DNAH9: variants seen among roughly 807,000 people sequenced by gnomAD.
DNAH9 encodes the protein DNAH9 variant protein.
A neutral mutation model predicts 471.6 loss-of-function variants in DNAH9; 345 were observed. The observed-to-expected ratio is 0.73, with a 90% CI of 0.67 to 0.80. DNAH9 has a LOEUF of 0.80. Ranked by LOEUF, DNAH9 falls within the 30% of genes least tolerant of loss-of-function variation. The probability of loss-of-function intolerance (pLI) is 0.00; values close to 1 mark genes in which losing one functional copy is unlikely to be tolerated. For missense variants in DNAH9, 5,407 were observed against 5,609.2 expected (o/e 0.96, Z 1.15); for synonymous variants, 2,093 against 2,123.6 (o/e 0.99, Z 0.40).
chr17:11,822,814 A>C lies in DNAH9; in HGVS notation c.9026A>C (p.Gln3009Pro), dbSNP rs1334902402. ...NTEGIEPTVKQSISKFMAFVH... is the reference protein window; with the variant it reads ...NTEGIEPTVKPSISKFMAFVH... ...CTTTGGTTTTAGCCCACAGTAAAGCAGTCGATTAGCAAATTCATGGCCTTT... is the reference window on the plus strand; with the variant it reads ...CTTTGGTTTTAGCCCACAGTAAAGCCGTCGATTAGCAAATTCATGGCCTTT... Residue 3009 changes from glutamine (Q) to proline (P), a missense_variant, in exon 48 of 69, where the codon CAG becomes CCG. Transcript: ENST00000262442. 3.1e-6 allele frequency: 5 copies of C among 1,614,248 alleles called. No individual in the cohort carries two copies. The highest frequency in any genetic ancestry group is 1.3e-5 in the African/African-American group (1 of 75,060).
chr17:11,673,518 C>T (rs1039346327), intron 17 of DNAH9, among the ~76,000 whole-genome samples: 13 of 152,060 alleles, frequency 8.5e-5, no homozygotes, highest in Non-Finnish European at 1.8e-4. Context: ...AGGAGTATGA[C>T]CCCACAAGCC....
intron 45 of DNAH9, among the ~76,000 whole-genome samples, chr17:11,810,832 C>A (rs1272641156): frequency 1.3e-5 from 2 of 152,184 alleles, no homozygotes; most frequent in Non-Finnish European, 2.9e-5. Flanking sequence ...ATGTAATTAA[C>A]TAGTGATTTA....
chr17:11,889,048 G>A (rs1483305023), intron 57 of DNAH9, among the ~76,000 whole-genome samples: 2 of 152,186 alleles, frequency 1.3e-5, no homozygotes, highest in African/African-American at 4.8e-5. Context: ...TTAAGTGGCA[G>A]TAAAGTAATT....
At chr17:11,707,994 CACACACACACACACACACACAG>C (rs1489058758) in intron 26 of DNAH9, among the ~76,000 whole-genome samples, 239 of 56,646 alleles carry the variant, frequency 4.2e-3, no homozygotes, top group Admixed American at 0.01. Context: ...CACACACACA[CACACACACACACACACACACAG>C]AGAGAGAGAG....
chr17:11,770,765 A>G (rs550137700), intron 38 of DNAH9, among the ~76,000 whole-genome samples: 35 of 152,384 alleles, frequency 2.3e-4, no homozygotes, highest in Non-Finnish European at 4.6e-4. Flanking sequence ...GCTCTTCACA[A>G]TGTCACAGCA....
At chr17:11,751,461 A>G (rs1567774129) in intron 32 of DNAH9, among the ~76,000 whole-genome samples, 1 of 152,084 alleles carries the variant, frequency 6.6e-6, no homozygotes, top group Non-Finnish European at 1.5e-5. Flanking sequence ...TGTTTTTAAC[A>G]GTATTAACAT....
chr17:11,630,535 TGGGACCTGTCA>T (rs1287210923), intron 7 of DNAH9: 2 of 152,006 alleles, frequency 1.3e-5, no homozygotes, highest in Non-Finnish European at 2.9e-5. Context: ...TAACACACAC[TGGGACCTGTCA>T]GGGGTTGGGG....
intron 68 of DNAH9, among the ~76,000 whole-genome samples, chr17:11,969,035 A>C (rs972259744): frequency 3.9e-5 from 6 of 152,352 alleles, no homozygotes; most frequent in Middle Eastern, 3.4e-3. Flanking sequence ...CTAGGAGAGA[A>C]TCAAGCTCCA....
At chr17:11,945,543 A>AG (rs1276955653) in intron 67 of DNAH9, among the ~76,000 whole-genome samples, 20 of 152,002 alleles carry the variant, frequency 1.3e-4, no homozygotes, top group African/African-American at 4.8e-4. Flanking sequence ...ATCTCAAAAA[A>AG]AAAAAAAAAA....
intron 50 of DNAH9, among the ~76,000 whole-genome samples, chr17:11,868,466 C>T (rs1972141788): frequency 6.6e-6 from 1 of 152,104 alleles, no homozygotes; most frequent in African/African-American, 2.4e-5. Context: ...ATTCTTAATA[C>T]ATTTTTAAAT....
intron 57 of DNAH9, among the ~76,000 whole-genome samples, chr17:11,887,564 C>G (rs1034087077): frequency 6.6e-6 from 1 of 152,142 alleles, no homozygotes; most frequent in African/African-American, 2.4e-5. Context: ...ATCTTTCCCC[C>G]CTAGGGCATT....
chr17:11,849,635 C>T (rs1192287339), intron 49 of DNAH9, among the ~76,000 whole-genome samples: 2 of 152,202 alleles, frequency 1.3e-5, no homozygotes, highest in Admixed American at 6.5e-5. Flanking sequence ...TCATTGAGAT[C>T]CCAGTGAAAT....
chr17:11,725,137 T>C (rs993865922), intron 27 of DNAH9, among the ~76,000 whole-genome samples: 1 of 147,218 alleles, frequency 6.8e-6, no homozygotes, highest in East Asian at 2.0e-4. Flanking sequence ...AGATGAAGCT[T>C]TGCTTACTCA....
chr17:11,795,204 T>C (rs1969201669), intron 42 of DNAH9, among the ~76,000 whole-genome samples: 1 of 152,178 alleles, frequency 6.6e-6, no homozygotes, highest in African/African-American at 2.4e-5. Context: ...ATAATTTACA[T>C]AATGAATGGC....
rs1228317178 is a variant in DNAH9, at chr17:11,769,145, G to A, written c.7368G>A (p.Glu2456=). The A allele has an allele frequency of 6.2e-6, 10 of 1,614,098 alleles. No homozygotes were observed. Among genetic ancestry groups the A allele is most frequent in the Non-Finnish European group, 8.5e-6 (10 of 1,180,044 alleles). ...AGGCGTGTTTGGTGCACACGAGTGAGACCATCCGTGTGTGCTACTTCATGG... is the reference window on the plus strand; with the variant it reads ...AGGCGTGTTTGGTGCACACGAGTGAAACCATCCGTGTGTGCTACTTCATGG... The part of the protein sequence containing the change: ...PLQACLVHTS[E]TIRVCYFMER... The change falls in exon 38 of 69, where the codon GAG becomes GAA. Residue 2456 remains glutamate (E), a synonymous_variant. Coordinates refer to ENST00000262442, the MANE Select transcript of DNAH9 (RefSeq NM_001372.4).
Position 11,822,480 on chromosome 17 carries a change from C to T in DNAH9, c.8893C>T (p.Arg2965Cys), listed in dbSNP as rs193137604. ...FSPVGNKLRVRSRKFPAIVNC... is the reference protein window; with the variant it reads ...FSPVGNKLRVCSRKFPAIVNC... ...CCCTGTGGGAAACAAGCTAAGAGTC[C>T]GCAGCAGGAAGTTCCCAGCCATTGT... Residue 2965 changes from arginine (R) to cysteine (C), a missense_variant, in exon 47 of 69, where the codon CGC becomes TGC. By Grantham distance (180) the Arg-to-Cys change is radical. Transcript: ENST00000262442. 92 of 1,614,104 alleles carry T rather than the reference C, an allele frequency of 5.7e-5. No homozygotes were observed. The highest frequency in any genetic ancestry group is 2.0e-4 in the East Asian group (9 of 44,868).
At chr17:11,799,986 A>G (rs765272644) in intron 43 of DNAH9, among the ~76,000 whole-genome samples, 4 of 152,128 alleles carry the variant, frequency 2.6e-5, no homozygotes, top group Non-Finnish European at 5.9e-5. Context: ...CTGCATCCAT[A>G]AATATCAAAC....
chr17:11,925,458 T>C (rs1974290165), intron 62 of DNAH9: 1 of 281,814 alleles, frequency 3.5e-6, no homozygotes, highest in Non-Finnish European at 7.0e-6. Flanking sequence ...TCCAGAAACA[T>C]CAGGAAGTTC....
intron 32 of DNAH9, among the ~76,000 whole-genome samples, chr17:11,749,555 A>G (rs369592215): frequency 2.6e-5 from 4 of 151,988 alleles, no homozygotes; most frequent in East Asian, 1.9e-4. Context: ...CTATTAGTTT[A>G]TAATTCTTCA....
Sources: gnomAD v4.1 joint callset for allele counts (sites outside exome capture counted in the v4.1 genomes callset) on GRCh38, gnomAD v4.1.1 for gene constraint, MANE v1.5 for transcripts, NCBI Gene and HGNC (gene_info 2026-07-23, HGNC 2026-07-21) for gene names.